The following GABRG2 variants were observed in gnomAD, a reference collection of about 807,000 sequenced individuals.
GABRG2 encodes the protein gamma-aminobutyric acid type A receptor subunit gamma2, also known as gamma-aminobutyric acid receptor subunit gamma-2.
In GABRG2, 16 loss-of-function variants were observed where a neutral mutation model predicts 56.4. That is an observed-to-expected ratio of 0.28 (90% CI 0.19 to 0.43). GABRG2 has a LOEUF of 0.43. Among genes scored for constraint, GABRG2 ranks in the 20% least tolerant of loss-of-function variants. GABRG2 has a pLI of 1.00. For synonymous variants in GABRG2, 208 were observed against 205.5 expected, an observed-to-expected ratio of 1.01 and a Z score of -0.10; for missense variants, 327 against 582.7, an observed-to-expected ratio of 0.56 and a Z score of 4.52.
At chr5:162,124,204 C>A (rs2113499806) in intron 6 of GABRG2, among the ~76,000 whole-genome samples, 1 of 151,956 alleles carries the variant, frequency 6.6e-6, no homozygotes, top group South Asian at 2.1e-4. Flanking sequence ...CAAGTGTTTT[C>A]AAGTGATTGT....
chr5:162,105,460 C>T (rs1304234924), intron 6 of GABRG2, among the ~76,000 whole-genome samples: 4 of 56,504 alleles, frequency 7.1e-5, no homozygotes, highest in Non-Finnish European at 1.3e-4. Context: ...GAAGGAGTCT[C>T]GCTCTGTCTC....
At chr5:162,094,182 C>T (rs893671549) in intron 2 of GABRG2, 2 of 569,282 alleles carry the variant, frequency 3.5e-6, no homozygotes, top group Non-Finnish European at 6.2e-6. Context: ...ATATTATTTT[C>T]AAGTGAAGCT....
At chr5:162,076,795 C>G (rs1457755959) in intron 1 of GABRG2, among the ~76,000 whole-genome samples, 8 of 152,060 alleles carry the variant, frequency 5.3e-5, no homozygotes, top group Admixed American at 5.2e-4. Flanking sequence ...TTTTGCTATT[C>G]AGGGTCATGA....
intron 1 of GABRG2, among the ~76,000 whole-genome samples, chr5:162,073,933 C>A (rs1435313833): frequency 6.6e-6 from 1 of 151,904 alleles, no homozygotes; most frequent in Non-Finnish European, 1.5e-5. Flanking sequence ...AGAGTTAAGA[C>A]CCCCTCCTTG....
intron 6 of GABRG2, among the ~76,000 whole-genome samples, chr5:162,105,432 CTT>C (rs533258756): frequency 5.8e-5 from 6 of 104,122 alleles, no homozygotes; most frequent in East Asian, 3.0e-4. Context: ...GTAGAACAAT[CTT>C]TTTTTTTTTT....
intron 2 of GABRG2, chr5:162,094,414 T>C: frequency 5.0e-6 from 1 of 200,958 alleles, no homozygotes; most frequent in Non-Finnish European, 1.0e-5. Context: ...CTCAGAGATA[T>C]ACTAATCTAT....
Position 162,071,143 on chromosome 5 carries a change from A to G in GABRG2, c.107+3037A>G, listed in dbSNP as rs144341415. Among the ~76,000 whole-genome samples the G allele has an allele frequency of 1.1e-3, 160 of 151,756 alleles. 1 individual carries two copies. Among genetic ancestry groups the G allele is most frequent in the Admixed American group, 3.2e-3 (48 of 15,226 alleles). On this transcript the variant is annotated intron_variant, in intron 1 of 9. Transcript: ENST00000639213. ...AAAAAAATAAAACATATATACATAT[A>G]TAAATGTGTATGTGATTATATTGAA...
intron 6 of GABRG2, among the ~76,000 whole-genome samples, chr5:162,116,949 T>A (rs139606877): frequency 6.6e-6 from 1 of 152,278 alleles, no homozygotes; most frequent in African/African-American, 2.4e-5. Flanking sequence ...CAAGATCATG[T>A]GCCAGGATAA....
intron 1 of GABRG2, among the ~76,000 whole-genome samples, chr5:162,068,667 CA>C (rs1037586944): frequency 6.6e-6 from 1 of 152,088 alleles, no homozygotes; most frequent in African/African-American, 2.4e-5. Context: ...TACCCGTGTG[CA>C]AACATGGTTC....
At chr5:162,102,656 G>A in intron 5 of GABRG2, 1 of 450,854 alleles carries the variant, frequency 2.2e-6, no homozygotes, top group Non-Finnish European at 4.5e-6. Flanking sequence ...TTGGCCTCCA[G>A]AGTAGCTGGG....
chr5:162,121,685 G>A (rs1423716715), intron 6 of GABRG2, among the ~76,000 whole-genome samples: 3 of 151,966 alleles, frequency 2.0e-5, no homozygotes. Context: ...TATCTCCTTA[G>A]CAACTAGCTT....
chr5:162,083,897 T>C (rs1157498955), intron 1 of GABRG2, among the ~76,000 whole-genome samples: 2 of 151,880 alleles, frequency 1.3e-5, no homozygotes, highest in Non-Finnish European at 2.9e-5. Context: ...TGAACTTTTT[T>C]CATAAAACAA....
intron 1 of GABRG2, among the ~76,000 whole-genome samples, chr5:162,070,970 T>C (rs1758625594): frequency 6.6e-6 from 1 of 151,016 alleles, no homozygotes; most frequent in South Asian, 2.1e-4. Context: ...TGATTATTCA[T>C]ACTTTATTAT....
chr5:162,119,997 T>C (rs1035673887), intron 6 of GABRG2, among the ~76,000 whole-genome samples: 1 of 152,098 alleles, frequency 6.6e-6, no homozygotes, highest in Non-Finnish European at 1.5e-5. Flanking sequence ...ATGCTTGCCA[T>C]GCCTAGTGCC....
intron 6 of GABRG2, among the ~76,000 whole-genome samples, chr5:162,124,176 G>C (rs1300531735): frequency 6.6e-6 from 1 of 151,920 alleles, no homozygotes; most frequent in Admixed American, 6.6e-5. Context: ...ATAAATAAAG[G>C]CTATATGGCG....
chr5:162,104,545 T>G lies in GABRG2; in HGVS notation c.769+519T>G, dbSNP rs543821754. Among the ~76,000 whole-genome samples the G allele has an allele frequency of 2.0e-5, 3 of 152,264 alleles. No individual in the cohort carries two copies. In the East Asian group the frequency reaches 5.8e-4, roughly 29 times the overall value. On this transcript the variant is annotated intron_variant, in intron 6 of 9. Transcript: ENST00000639213. ...TGCATCAGTTATAAGCTATAGACATTGGGCAAATGTATTGAATCTCTGAGA... is the reference window on the plus strand; with the variant it reads ...TGCATCAGTTATAAGCTATAGACATGGGGCAAATGTATTGAATCTCTGAGA...
Position 162,093,910 on chromosome 5 carries a change from G to T in GABRG2, c.190G>T (p.Gly64Cys), listed in dbSNP as rs759874474. ...GGTCTTGACTCCAAAAGTTCCTGAG[G>T]GTGATGTCACTGTCATCTTAAACAA... ...TWVLTPKVPE[G>C]DVTVILNNLL... Residue 64 changes from glycine to cysteine, a missense_variant, in exon 2 of 10, where the codon GGT (glycine) becomes TGT (cysteine). Physicochemically the swap from Gly to Cys is radical, Grantham distance 159. Coordinates refer to ENST00000639213, the MANE Select transcript of GABRG2 (RefSeq NM_198904.4). 8.7e-6 allele frequency: 14 copies of T among 1,613,216 alleles called. No homozygotes were observed. Among genetic ancestry groups the T allele is most frequent in the Non-Finnish European group, 1.1e-5 (13 of 1,179,484 alleles).
rs564497972 is a variant in GABRG2 at position 162,143,551 on chromosome 5, A to T, written c.922+1235A>T. ...AGCTAGTGGACGTGAACAAAATTCA[A>T]CACCCTTTCATCAGCTATGTAAAAC... On this transcript the variant is annotated intron_variant, in intron 7 of 9. Coordinates refer to ENST00000639213, the MANE Select transcript of GABRG2 (RefSeq NM_198904.4). 8.1e-4 allele frequency among the ~76,000 whole-genome samples: 123 copies of T among 152,290 alleles called. 1 individual carries two copies. Among genetic ancestry groups the T allele is most frequent in the African/African-American group, 2.8e-3 (117 of 41,566 alleles).
chr5:162,078,834 A>G (rs1759413315), intron 1 of GABRG2, among the ~76,000 whole-genome samples: 1 of 152,012 alleles, frequency 6.6e-6, no homozygotes. Context: ...GAGGTCATAC[A>G]TGGAACGATA....
Sources: allele counts gnomAD v4.1 joint callset (sites outside exome capture counted in the v4.1 genomes callset), GRCh38; gene constraint gnomAD v4.1.1; transcripts MANE v1.5; gene names NCBI Gene and HGNC (gene_info 2026-07-23, HGNC 2026-07-21).